The following PTPRD variants were observed in gnomAD, a reference collection of about 807,000 sequenced individuals.
PTPRD encodes the protein protein tyrosine phosphatase receptor type D.
A neutral mutation model predicts 214.5 loss-of-function variants in PTPRD; 34 were observed. The observed-to-expected ratio is 0.16, with a 90% CI of 0.12 to 0.21. PTPRD has a LOEUF of 0.21. PTPRD is among the 10% of genes least tolerant of loss of function. The pLI is 1.00. For synonymous variants in PTPRD, 1,128 were observed against 845.7 expected (o/e 1.33, Z -5.79); for missense variants, 2,545 against 2,398.7 (o/e 1.06, Z -1.27).
chr9:8,661,745 T>C (rs184685721), intron 12 of PTPRD, among the ~76,000 whole-genome samples: 21 of 151,542 alleles, frequency 1.4e-4, no homozygotes, highest in Admixed American at 1.2e-3. Flanking sequence ...TGTTTGTGTT[T>C]TATTTCTCCA....
intron 3 of PTPRD, among the ~76,000 whole-genome samples, chr9:10,177,062 G>T (rs908333434): frequency 1.3e-5 from 2 of 151,850 alleles, no homozygotes; most frequent in African/African-American, 4.8e-5. Context: ...ATAAGATTGA[G>T]TCCCTTCACA....
intron 10 of PTPRD, among the ~76,000 whole-genome samples, chr9:9,131,794 A>G (rs555674696): frequency 6.6e-6 from 1 of 152,338 alleles, no homozygotes; most frequent in Non-Finnish European, 1.5e-5. Flanking sequence ...GAGTTCGATA[A>G]TATGGAGATG....
intron 8 of PTPRD, among the ~76,000 whole-genome samples, chr9:9,425,085 C>G (rs1328420731): frequency 6.6e-6 from 1 of 152,094 alleles, no homozygotes; most frequent in East Asian, 1.9e-4. Context: ...AGCTACCAAA[C>G]ATAGAACTTG....
chr9:9,275,199 T>TGTTATATATATATA (rs1491465404), intron 9 of PTPRD, among the ~76,000 whole-genome samples: 6 of 10,392 alleles, frequency 5.8e-4, no homozygotes, highest in African/African-American at 9.8e-4. Flanking sequence ...TATATATATA[T>TGTTATATATATATA]TATATATATA....
intron 10 of PTPRD, among the ~76,000 whole-genome samples, chr9:9,088,199 A>T (rs2099770194): frequency 6.6e-6 from 1 of 151,616 alleles, no homozygotes; most frequent in East Asian, 2.0e-4. Flanking sequence ...TAAACTTTTG[A>T]TTCTTGTGTC....
At chr9:9,930,930 A>G (rs1029913541) in intron 5 of PTPRD, among the ~76,000 whole-genome samples, 20 of 152,104 alleles carry the variant, frequency 1.3e-4, no homozygotes, top group African/African-American at 4.6e-4. Context: ...AGGAATTACT[A>G]CCATGACTCT....
chr9:8,895,950 C>G (rs1223043427), intron 11 of PTPRD, among the ~76,000 whole-genome samples: 2 of 152,182 alleles, frequency 1.3e-5, no homozygotes, highest in African/African-American at 4.8e-5. Context: ...ATATTTGCTG[C>G]CCCCTGTAGT....
At chr9:8,324,621 T>TG (rs1228506085) in intron 44 of PTPRD, among the ~76,000 whole-genome samples, 3 of 152,184 alleles carry the variant, frequency 2.0e-5, no homozygotes, top group Non-Finnish European at 4.4e-5. Context: ...CACTCAGTAA[T>TG]GGGATTGCTG....
intron 32 of PTPRD, among the ~76,000 whole-genome samples, chr9:8,463,783 G>A (rs926973977): frequency 8.6e-5 from 13 of 151,806 alleles, no homozygotes; most frequent in African/African-American, 2.9e-4. Context: ...TGAGAGGGAC[G>A]GAGAAGTATT....
At chr9:9,411,533 C>T (rs540786572) in intron 8 of PTPRD, among the ~76,000 whole-genome samples, 2 of 152,256 alleles carry the variant, frequency 1.3e-5, no homozygotes, top group East Asian at 1.9e-4. Context: ...ATGCCACTTA[C>T]TACTAGGCAT....
At chr9:8,981,320 T>G (rs2099311571) in intron 11 of PTPRD, among the ~76,000 whole-genome samples, 1 of 152,090 alleles carries the variant, frequency 6.6e-6, no homozygotes, top group Non-Finnish European at 1.5e-5. Context: ...TAAGGGGATG[T>G]CTACACACTA....
chr9:10,502,968 A>T (rs946615097), intron 2 of PTPRD, among the ~76,000 whole-genome samples: 11 of 152,128 alleles, frequency 7.2e-5, no homozygotes, highest in Non-Finnish European at 1.0e-4. Flanking sequence ...TTTCCATTGC[A>T]TTGTCCATCA....
chr9:9,306,838 C>T (rs774550554), intron 9 of PTPRD, among the ~76,000 whole-genome samples: 2 of 152,066 alleles, frequency 1.3e-5, no homozygotes, highest in Non-Finnish European at 1.5e-5. Context: ...TAATCCAAAT[C>T]GTTAGCAAGA....
In PTPRD at chr9:8,321,481, G is replaced by C. The variant is rs1352479317; in HGVS notation, c.5535-1515C>G. ...CTTCTTTGTGTGTGTGTGTGTGTGTGTGTGTGTATATATATATATATATAT... is the reference window on the plus strand; with the variant it reads ...CTTCTTTGTGTGTGTGTGTGTGTGTCTGTGTGTATATATATATATATATAT... On this transcript the variant is annotated intron_variant, in intron 44 of 45. Coordinates refer to ENST00000381196, the MANE Select transcript of PTPRD (RefSeq NM_002839.4). Among the ~76,000 whole-genome samples the C allele has an allele frequency of 4.6e-3, 224 of 49,128 alleles. 6 individuals are homozygous for C. The highest frequency in any genetic ancestry group is 0.031 in the African/African-American group (210 of 6,728). 32.2% of individuals were successfully genotyped at this position (49,128 alleles called of 152,430 possible).
chr9:9,940,980 C>A (rs749305627), intron 4 of PTPRD, among the ~76,000 whole-genome samples: 7 of 152,026 alleles, frequency 4.6e-5, no homozygotes, highest in Admixed American at 2.6e-4. Context: ...GGTGGGCAAG[C>A]TTTTGGCTTC....
At chr9:8,456,147 C>G in intron 33 of PTPRD, among the ~76,000 whole-genome samples, 1 of 152,222 alleles carries the variant, frequency 6.6e-6, no homozygotes, top group Admixed American at 6.5e-5. Context: ...GTGTGCCAGG[C>G]ACTCTACTAG....
intron 11 of PTPRD, among the ~76,000 whole-genome samples, chr9:8,788,487 C>G (rs977438203): frequency 4.6e-5 from 7 of 151,958 alleles, no homozygotes; most frequent in Admixed American, 2.0e-4. Flanking sequence ...GTTGGTCAGG[C>G]TGGTCTCAAA....
chr9:10,008,220 C>A (rs1022178372), intron 4 of PTPRD, among the ~76,000 whole-genome samples: 3 of 151,934 alleles, frequency 2.0e-5, no homozygotes, highest in African/African-American at 7.2e-5. Context: ...GTCACACATA[C>A]CTCACTATAT....
intron 5 of PTPRD, among the ~76,000 whole-genome samples, chr9:9,800,048 A>G (rs2099028865): frequency 1.3e-5 from 2 of 152,232 alleles, no homozygotes; most frequent in African/African-American, 4.8e-5. Context: ...AAAAAATAAT[A>G]ATAAAATATT....
Sources: gnomAD v4.1 joint callset for allele counts (sites outside exome capture counted in the v4.1 genomes callset) on GRCh38, gnomAD v4.1.1 for gene constraint, MANE v1.5 for transcripts, NCBI Gene and HGNC (gene_info 2026-07-23, HGNC 2026-07-21) for gene names.